Variants in COPS3 observed in about 807,000 individuals in gnomAD.
COPS3 encodes the protein COP9 signalosome complex subunit 3.
In COPS3, 10 loss-of-function variants were observed where a neutral mutation model predicts 58.2. That is an observed-to-expected ratio of 0.17 (90% CI 0.11 to 0.29). The LOEUF is 0.29. COPS3 is among the 10% of genes least tolerant of loss of function. The pLI is 1.00. For missense variants in COPS3, 333 were observed against 510.1 expected (o/e 0.65, Z 3.34); for synonymous variants, 187 against 181.7 (o/e 1.03, Z -0.24).
At chr17:17,267,567 G>A (rs1353968157) in intron 5 of COPS3, among the ~76,000 whole-genome samples, 3 of 151,268 alleles carry the variant, frequency 2.0e-5, no homozygotes, top group Non-Finnish European at 1.5e-5. Flanking sequence ...GAACCCGGGA[G>A]GCAGAGGTTG....
intron 8 of COPS3, among the ~76,000 whole-genome samples, chr17:17,257,174 GCCAACATGGCGAAAC>G (rs2047993931): frequency 1.3e-5 from 2 of 151,894 alleles, no homozygotes; most frequent in African/African-American, 2.4e-5. Context: ...GACCAGCCTG[GCCAACATGGCGAAAC>G]CCCGTGTCTA....
chr17:17,274,251 G>A (rs2048411738), intron 2 of COPS3, among the ~76,000 whole-genome samples: 1 of 152,030 alleles, frequency 6.6e-6, no homozygotes, highest in Non-Finnish European at 1.5e-5. Flanking sequence ...TTTATAAACT[G>A]GCAGTCGCAA....
Position 17,247,116 on chromosome 17 carries a change from T to C in COPS3, c.1254A>G (p.Lys418=). 6.2e-7 allele frequency: 1 copy of C among 1,613,918 alleles called. No individual in the cohort carries two copies. The highest frequency in any genetic ancestry group is 8.5e-7 in the Non-Finnish European group (1 of 1,179,768). ...MGSQEDDSGN[K]PSSYS The stretch of plus-strand genomic sequence containing the variant: ...GTTAGTTTCAAGAATAACTGGATGG[T>C]TTGTTTCCTGAATCATCTTCTTGTG... Residue 418 remains lysine (K), a synonymous_variant, in exon 12 of 12, where the codon AAA becomes AAG. Transcript: ENST00000268717.
chr17:17,255,187 C>A, intron 8 of COPS3: 1 of 274,328 alleles, frequency 3.6e-6, no homozygotes, highest in Non-Finnish European at 6.9e-6. Context: ...GTAGTCCCAG[C>A]TACTTGGGAG....
chr17:17,274,824 T>C (rs2048427474), intron 2 of COPS3, among the ~76,000 whole-genome samples: 1 of 152,014 alleles, frequency 6.6e-6, no homozygotes, highest in Non-Finnish European at 1.5e-5. Context: ...GTTTACATGA[T>C]TTCTCCCCTA....
chr17:17,271,983 C>T (rs2048364030), intron 2 of COPS3, among the ~76,000 whole-genome samples: 1 of 150,004 alleles, frequency 6.7e-6, no homozygotes, highest in African/African-American at 2.4e-5. Flanking sequence ...AAAAATTCCA[C>T]TAAATGAAGC....
intron 1 of COPS3, 24 bp from the exon 2 acceptor site, chr17:17,276,188 T>C (rs201162535): frequency 1.2e-6 from 2 of 1,612,610 alleles, no homozygotes; most frequent in East Asian, 2.2e-5. Flanking sequence ...ACAACACTAT[T>C]GCATTTCAGC....
intron 6 of COPS3, among the ~76,000 whole-genome samples, chr17:17,263,264 G>C (rs1241395008): frequency 6.8e-6 from 1 of 147,242 alleles, no homozygotes; most frequent in Non-Finnish European, 1.5e-5. Context: ...CTCCAGCCTG[G>C]GCGACAGAGC....
chr17:17,275,248 A>T (rs116972104), intron 2 of COPS3, among the ~76,000 whole-genome samples: 17,022 of 151,462 alleles, frequency 0.11, 1,200 homozygotes, highest in South Asian at 0.22. Context: ...GCGCCAACAC[A>T]CCCGGCTAGT....
rs759249537 is a variant in COPS3 at position 17,247,557 on chromosome 17, G to C, written c.1141C>G (p.Leu381Val). ...AMLHNIDQEM[L>V]KCIELDERLK... ...CGCTCATCCAGCTCAATGCACTTCA[G>C]CATCTGCATGACAGGCACATTAGAA... Residue 381 changes from leucine (L) to valine (V), a missense_variant, in exon 11 of 12, where the codon CTG (leucine) becomes GTG (valine). By Grantham distance (32) the Leu-to-Val change is conservative (BLOSUM62 1). Transcript: ENST00000268717. 7 of 1,614,126 alleles carry C rather than the reference G, an allele frequency of 4.3e-6. No individual in the cohort carries two copies. Among genetic ancestry groups the C allele is most frequent in the Non-Finnish European group, 5.9e-6 (7 of 1,180,018 alleles).
chr17:17,263,305 A>C (rs2048147229), intron 6 of COPS3, among the ~76,000 whole-genome samples: 1 of 147,974 alleles, frequency 6.8e-6, no homozygotes, highest in Non-Finnish European at 1.5e-5. Context: ...AAAAAAAGAG[A>C]TTCTCCTGCC....
chr17:17,278,155 G>A (rs1479681241), intron 1 of COPS3, among the ~76,000 whole-genome samples: 1 of 149,056 alleles, frequency 6.7e-6, no homozygotes, highest in Non-Finnish European at 1.5e-5. Context: ...CGTTTCGGGG[G>A]AAAAAAAAAA....
At chr17:17,271,410 C>G (rs920885829) in intron 2 of COPS3, among the ~76,000 whole-genome samples, 6 of 151,962 alleles carry the variant, frequency 3.9e-5, no homozygotes, top group African/African-American at 1.5e-4. Context: ...GCCTGGGTGA[C>G]AGAGCAAGAT....
chr17:17,276,314 A>G, intron 1 of COPS3, 150 bp from the exon 2 acceptor site: 6 of 972,444 alleles, frequency 6.2e-6, no homozygotes, highest in Non-Finnish European at 9.0e-6. Flanking sequence ...GAAGGACCAG[A>G]GGAGTGAAAC....
At chr17:17,247,689 G>T in intron 10 of COPS3, 129 bp from the exon 11 acceptor site, 1 of 801,282 alleles carries the variant, frequency 1.2e-6, no homozygotes, top group African/African-American at 1.7e-5. Context: ...GGGGCCACAT[G>T]GGTTTTGGAG....
At chr17:17,277,704 G>GC (rs1429861269) in intron 1 of COPS3, among the ~76,000 whole-genome samples, 2 of 152,158 alleles carry the variant, frequency 1.3e-5, no homozygotes, top group Non-Finnish European at 2.9e-5. Flanking sequence ...AGAGGCATGA[G>GC]CCACCACACT....
intron 1 of COPS3, among the ~76,000 whole-genome samples, chr17:17,278,160 A>C (rs959700426): frequency 6.6e-6 from 1 of 152,122 alleles, no homozygotes; most frequent in Non-Finnish European, 1.5e-5. Flanking sequence ...CGGGGGAAAA[A>C]AAAAATTAGG....
intron 5 of COPS3, 52 bp downstream of exon 5, chr17:17,267,833 T>TAA: frequency 6.3e-7 from 1 of 1,578,366 alleles, no homozygotes. Context: ...AGCAAGCCCA[T>TAA]AAACAACCTA....
At chr17:17,279,491 C>G (rs2048530669) in intron 1 of COPS3, among the ~76,000 whole-genome samples, 2 of 152,140 alleles carry the variant, frequency 1.3e-5, no homozygotes, top group Admixed American at 1.3e-4. Flanking sequence ...AAGCCTGTGC[C>G]TTCCCTGTGA....
Sources: gnomAD v4.1 joint callset for allele counts (sites outside exome capture counted in the v4.1 genomes callset) on GRCh38, gnomAD v4.1.1 for gene constraint, MANE v1.5 for transcripts, NCBI Gene and HGNC (gene_info 2026-07-23, HGNC 2026-07-21) for gene names.